CA10: variants seen among roughly 807,000 people sequenced by gnomAD.
CA10 encodes carbonic anhydrase 10 (inactive).
In CA10, 14 loss-of-function variants were observed where a neutral mutation model predicts 44.2. The observed-to-expected ratio is 0.32, with a 90% CI of 0.21 to 0.50. The LOEUF is 0.50. Ranked by LOEUF, CA10 falls within the 20% of genes least tolerant of loss-of-function variation. CA10 has a pLI of 0.99. For synonymous variants in CA10, 159 were observed against 141.6 expected, an observed-to-expected ratio of 1.12 and a Z score of -0.87; for missense variants, 350 against 409.7, an observed-to-expected ratio of 0.85 and a Z score of 1.26.
chr17:51,747,482 T>A, intron 4 of CA10, 151 bp downstream of exon 4: 1 of 611,522 alleles, frequency 1.6e-6, no homozygotes, highest in Non-Finnish European at 2.8e-6. Context: ...GATGTCAATT[T>A]GCAAAAGACA....
chr17:51,914,260 CAGAG>C (rs1458839547), intron 3 of CA10, among the ~76,000 whole-genome samples: 2 of 151,878 alleles, frequency 1.3e-5, no homozygotes, highest in Non-Finnish European at 1.5e-5. Flanking sequence ...GCAGAGGAGA[CAGAG>C]AGAGCACCAT....
At chr17:51,817,231 C>T (rs1021960978) in intron 3 of CA10, among the ~76,000 whole-genome samples, 2 of 152,164 alleles carry the variant, frequency 1.3e-5, no homozygotes, top group African/African-American at 4.8e-5. Flanking sequence ...CAGAGGTCAA[C>T]AAACTACCAT....
chr17:51,708,953 G>A (rs1915844970), intron 4 of CA10, among the ~76,000 whole-genome samples: 1 of 152,218 alleles, frequency 6.6e-6, no homozygotes, highest in South Asian at 2.1e-4. Context: ...GACTGGGACT[G>A]GCTTCCCTGC....
intron 2 of CA10, among the ~76,000 whole-genome samples, chr17:51,936,894 G>T (rs1347528420): frequency 6.6e-6 from 1 of 152,118 alleles, no homozygotes; most frequent in African/African-American, 2.4e-5. Flanking sequence ...TGCTTTTGGT[G>T]TGTTTAAATT....
chr17:51,801,295 G>A (rs566304437), intron 3 of CA10, among the ~76,000 whole-genome samples: 4 of 152,240 alleles, frequency 2.6e-5, no homozygotes, highest in Non-Finnish European at 4.4e-5. Flanking sequence ...TGCATGAAAG[G>A]TCCACCCATC....
intron 6 of CA10, among the ~76,000 whole-genome samples, chr17:51,647,623 G>A (rs1359833022): frequency 1.3e-5 from 2 of 152,154 alleles, no homozygotes; most frequent in Non-Finnish European, 2.9e-5. Context: ...CTGTTAGACT[G>A]TGTGTTGGGG....
intron 1 of CA10, among the ~76,000 whole-genome samples, chr17:52,094,992 C>A (rs577642300): frequency 1.3e-5 from 2 of 152,084 alleles, no homozygotes. Flanking sequence ...AATATTAGTG[C>A]GCATGTCTAC....
chr17:51,952,550 G>T (rs1178125106), intron 2 of CA10, among the ~76,000 whole-genome samples: 4 of 20,606 alleles, frequency 1.9e-4, no homozygotes, highest in Non-Finnish European at 5.2e-4. Flanking sequence ...GAGGGACCCT[G>T]TCTCAAAAAA....
intron 1 of CA10, among the ~76,000 whole-genome samples, chr17:52,145,378 T>C (rs1346244080): frequency 6.6e-6 from 1 of 152,134 alleles, no homozygotes; most frequent in Non-Finnish European, 1.5e-5. Flanking sequence ...CTTAGTCCAA[T>C]ATGCTTAAAC....
At chr17:52,107,150 C>T (rs1199479938) in intron 1 of CA10, among the ~76,000 whole-genome samples, 1 of 152,190 alleles carries the variant, frequency 6.6e-6, no homozygotes, top group African/African-American at 2.4e-5. Context: ...AGGACAGGCA[C>T]AAGGCCCCTT....
At chr17:51,966,217 A>G (rs1353870773) in intron 2 of CA10, among the ~76,000 whole-genome samples, 1 of 151,998 alleles carries the variant, frequency 6.6e-6, no homozygotes, top group Non-Finnish European at 1.5e-5. Flanking sequence ...CACAGATGAC[A>G]CAGACGGAAG....
At chr17:52,140,205 A>G (rs1036635152) in intron 1 of CA10, among the ~76,000 whole-genome samples, 1 of 152,226 alleles carries the variant, frequency 6.6e-6, no homozygotes, top group African/African-American at 2.4e-5. Context: ...TCATCAAACC[A>G]TATAATTAAA....
intron 2 of CA10, among the ~76,000 whole-genome samples, chr17:51,946,065 C>T (rs1185214532): frequency 6.6e-6 from 1 of 152,102 alleles, no homozygotes; most frequent in Admixed American, 6.6e-5. Context: ...AAAACAAATA[C>T]TGCATTATCT....
intron 3 of CA10, among the ~76,000 whole-genome samples, chr17:51,834,171 C>A (rs1210628456): frequency 6.6e-6 from 1 of 152,144 alleles, no homozygotes; most frequent in African/African-American, 2.4e-5. Flanking sequence ...CTATAGAGCA[C>A]AACTTAATCA....
At chr17:52,126,325 T>C (rs895249348) in intron 1 of CA10, among the ~76,000 whole-genome samples, 6 of 152,196 alleles carry the variant, frequency 3.9e-5, no homozygotes, top group Non-Finnish European at 7.3e-5. Context: ...ATGCCTTTAT[T>C]GTTATTATTT....
intron 4 of CA10, among the ~76,000 whole-genome samples, chr17:51,681,895 T>C (rs944572350): frequency 2.6e-5 from 4 of 152,194 alleles, no homozygotes; most frequent in Admixed American, 6.5e-5. Flanking sequence ...ATTATTAAGC[T>C]TCACTTAGAC....
chr17:51,875,396 C>T (rs953672768), intron 3 of CA10, among the ~76,000 whole-genome samples: 1 of 152,116 alleles, frequency 6.6e-6, no homozygotes, highest in Non-Finnish European at 1.5e-5. Flanking sequence ...ACCAAGTCAC[C>T]GTGATACACT....
At chr17:52,146,203 G>A (rs978257145) in intron 1 of CA10, among the ~76,000 whole-genome samples, 11 of 152,106 alleles carry the variant, frequency 7.2e-5, no homozygotes, top group Admixed American at 6.5e-4. Flanking sequence ...GTATACATAT[G>A]TAACAAACCT....
At chr17:52,043,071 A>G (rs545199970) in intron 2 of CA10, among the ~76,000 whole-genome samples, 1 of 152,112 alleles carries the variant, frequency 6.6e-6, no homozygotes, top group African/African-American at 2.4e-5. Context: ...TGCATTGGAT[A>G]TTCAGAGCTG....
Sources: allele counts gnomAD v4.1 joint callset (sites outside exome capture counted in the v4.1 genomes callset), GRCh38; gene constraint gnomAD v4.1.1; transcripts MANE v1.5; gene names NCBI Gene and HGNC (gene_info 2026-07-23, HGNC 2026-07-21).